Variants in ATP11B observed in about 807,000 individuals in gnomAD.
ATP11B encodes the protein phospholipid-transporting ATPase IF.
Under a neutral mutation model 157.8 loss-of-function variants are expected in ATP11B, and 81 were observed. The observed-to-expected ratio is 0.51, with a 90% CI of 0.43 to 0.62. The LOEUF is 0.62. ATP11B is among the 20% of genes least tolerant of loss of function. The pLI is 0.00. For synonymous variants in ATP11B, 451 were observed against 469.4 expected (o/e 0.96, Z 0.51); for missense variants, 1,165 against 1,402.2 (o/e 0.83, Z 2.70).
At chr3:182,865,931 G>A (rs556484738) in intron 13 of ATP11B, among the ~76,000 whole-genome samples, 18 of 82,964 alleles carry the variant, frequency 2.2e-4, no homozygotes, top group African/African-American at 4.6e-4. Flanking sequence ...TAAATGGAAC[G>A]TAGTTAAGAA....
chr3:182,917,670 T>C (rs1253863451), intron 29 of ATP11B: 1 of 985,406 alleles, frequency 1.0e-6, no homozygotes, highest in Non-Finnish European at 1.2e-6. Flanking sequence ...TTTTGTAAAC[T>C]GAACTTTTCA....
At chr3:182,872,577 T>C (rs1721744510) in intron 18 of ATP11B, 40 bp downstream of exon 18, 2 of 1,485,736 alleles carry the variant, frequency 1.3e-6, no homozygotes, top group Non-Finnish European at 1.8e-6. Flanking sequence ...TTTTCTCTCA[T>C]AGGAATTTTT....
chr3:182,875,643 A>T (rs1437564121), intron 19 of ATP11B, among the ~76,000 whole-genome samples: 1 of 152,058 alleles, frequency 6.6e-6, no homozygotes, highest in Non-Finnish European at 1.5e-5. Context: ...GTTTCTCTGC[A>T]TTGGTCAGGC....
At chr3:182,897,048 A>G (rs566457077) in intron 26 of ATP11B, among the ~76,000 whole-genome samples, 64 of 152,224 alleles carry the variant, frequency 4.2e-4, no homozygotes, top group African/African-American at 1.5e-3. Context: ...GTTTTAGGCC[A>G]TGGAGTTGAA....
At chr3:182,812,001 A>G (rs1283108471) in intron 1 of ATP11B, among the ~76,000 whole-genome samples, 1 of 152,182 alleles carries the variant, frequency 6.6e-6, no homozygotes, top group Non-Finnish European at 1.5e-5. Flanking sequence ...TAATAGCACA[A>G]TTGCATATCT....
At chr3:182,886,799 C>A (rs886427938) in intron 23 of ATP11B, among the ~76,000 whole-genome samples, 8 of 152,086 alleles carry the variant, frequency 5.3e-5, no homozygotes, top group Non-Finnish European at 8.8e-5. Flanking sequence ...GCTTAATTAT[C>A]TTAACTTTTT....
chr3:182,902,592 T>TTAA, intron 28 of ATP11B: 1 of 1,253,600 alleles, frequency 8.0e-7, no homozygotes, highest in African/African-American at 1.5e-5. Context: ...TAGAGCCTCA[T>TTAA]TAACTCTTCT....
intron 29 of ATP11B, 60 bp from the exon 30 acceptor site, chr3:182,917,963 T>G: frequency 6.3e-7 from 1 of 1,589,440 alleles, no homozygotes; most frequent in Non-Finnish European, 8.6e-7. Flanking sequence ...AGAGTAAATT[T>G]TTTTCTCAAT....
chr3:182,881,622 GAAAT>G (rs1448133301), intron 21 of ATP11B, among the ~76,000 whole-genome samples: 1 of 151,730 alleles, frequency 6.6e-6, no homozygotes, highest in South Asian at 2.1e-4. Context: ...GATTTTAAAG[GAAAT>G]AAATACCACA....
At chr3:182,912,872 T>C (rs940499464) in intron 28 of ATP11B, among the ~76,000 whole-genome samples, 2 of 152,146 alleles carry the variant, frequency 1.3e-5, no homozygotes, top group African/African-American at 2.4e-5. Context: ...TAGGATGTTA[T>C]ATATGTAAAA....
In ATP11B at chr3:182,811,556, C is replaced by T. The variant is rs570858804; in HGVS notation, c.28-8704C>T. 3.9e-5 allele frequency among the ~76,000 whole-genome samples: 6 copies of T among 152,216 alleles called. No individual in the cohort carries two copies. In the South Asian group the frequency reaches 1.2e-3, roughly 32 times the overall value. ...CCACCTTCCTTCCTTTGGCTCATCC[C>T]CCCAGAAGGAGTTTTTTGAGGCATA... is the stretch of plus-strand genomic sequence containing the variant. On this transcript the variant is annotated intron_variant, in intron 1 of 29. Transcript: ENST00000323116.
intron 28 of ATP11B, among the ~76,000 whole-genome samples, chr3:182,900,778 G>A (rs1315137544): frequency 6.6e-6 from 1 of 152,114 alleles, no homozygotes; most frequent in East Asian, 1.9e-4. Flanking sequence ...GGGTGCAGTG[G>A]CTCACACCTG....
intron 18 of ATP11B, 114 bp downstream of exon 18, chr3:182,872,651 A>G: frequency 7.2e-6 from 7 of 974,004 alleles, no homozygotes; most frequent in Non-Finnish European, 1.0e-5. Context: ...TATATTTAAG[A>G]TCAAAGTAGA....
chr3:182,834,636 A>G (rs1224536823), intron 4 of ATP11B, among the ~76,000 whole-genome samples: 2 of 152,196 alleles, frequency 1.3e-5, no homozygotes, highest in Non-Finnish European at 2.9e-5. Context: ...GAATTTTCTT[A>G]AAATGGCATA....
At position 182,865,609 on chromosome 3, in the gene ATP11B, T is replaced by C; in HGVS notation, c.1354T>C (p.Tyr452His). The C allele has an allele frequency of 6.2e-7, 1 of 1,613,754 alleles. No homozygotes were observed. Among genetic ancestry groups the C allele is most frequent in the Non-Finnish European group, 8.5e-7 (1 of 1,179,728 alleles). The part of the protein sequence containing the change: ...TPDSSEGNLS[Y>H]LSSLSHLNNL... Reference sequence around the variant, plus strand: ...AGACTCTTCAGAAGGAAACTTATCTTATCTTAGTAGTTTATCCCATCTTAA... The same window carrying C: ...AGACTCTTCAGAAGGAAACTTATCTCATCTTAGTAGTTTATCCCATCTTAA... Residue 452 changes from tyrosine (Y) to histidine (H), a missense_variant, in exon 13 of 30, where the codon TAT becomes CAT. Transcript: ENST00000323116.
At chr3:182,812,647 G>A (rs1716742143) in intron 1 of ATP11B, among the ~76,000 whole-genome samples, 1 of 152,134 alleles carries the variant, frequency 6.6e-6, no homozygotes. Flanking sequence ...TGGCCAAATA[G>A]GACTTGCCTG....
At chr3:182,899,883 A>G (rs1321224478) in intron 28 of ATP11B, among the ~76,000 whole-genome samples, 1 of 107,618 alleles carries the variant, frequency 9.3e-6, no homozygotes, top group Non-Finnish European at 1.7e-5. Context: ...TTTTAACTCT[A>G]TCGTATTGGA....
At chr3:182,869,459 C>G in intron 17 of ATP11B, 128 bp downstream of exon 17, 1 of 599,786 alleles carries the variant, frequency 1.7e-6, no homozygotes, top group Non-Finnish European at 2.8e-6. Context: ...TGTGTTGGCT[C>G]CACATTCCTT....
intron 1 of ATP11B, among the ~76,000 whole-genome samples, chr3:182,798,915 C>T (rs1715802484): frequency 6.6e-6 from 1 of 152,026 alleles, no homozygotes. Flanking sequence ...TTATTTTTAC[C>T]TTTTTTTAAA....
Sources: allele counts gnomAD v4.1 joint callset (sites outside exome capture counted in the v4.1 genomes callset), GRCh38; gene constraint gnomAD v4.1.1; transcripts MANE v1.5; gene names NCBI Gene and HGNC (gene_info 2026-07-23, HGNC 2026-07-21).